The following MYO5B variants were observed in gnomAD, a reference collection of about 807,000 sequenced individuals.
The protein encoded by MYO5B is myosin VB, also known as unconventional myosin-Vb.
A neutral mutation model predicts 229.3 loss-of-function variants in MYO5B; 143 were observed. The observed-to-expected ratio is 0.62, with a 90% CI of 0.54 to 0.72. The LOEUF is 0.72. Among genes scored for constraint, MYO5B ranks in the 30% least tolerant of loss-of-function variants. The pLI is 0.00. For missense variants in MYO5B, 2,321 were observed against 2,331.0 expected (o/e 1.00, Z 0.09); for synonymous variants, 918 against 885.2 (o/e 1.04, Z -0.66).
chr18:49,869,409 C>T (rs1202398489), intron 27 of MYO5B, among the ~76,000 whole-genome samples: 1 of 152,178 alleles, frequency 6.6e-6, no homozygotes, highest in Non-Finnish European at 1.5e-5. Flanking sequence ...CCGGGACCAG[C>T]CTCTGTGACA....
At chr18:49,961,211 C>G (rs1017473733) in intron 12 of MYO5B, among the ~76,000 whole-genome samples, 2 of 152,202 alleles carry the variant, frequency 1.3e-5, no homozygotes, top group African/African-American at 4.8e-5. Flanking sequence ...AATTGTTTTA[C>G]CTTTACTGCT....
intron 16 of MYO5B, among the ~76,000 whole-genome samples, chr18:49,932,091 G>A (rs1305305546): frequency 2.0e-5 from 3 of 152,160 alleles, no homozygotes; most frequent in Non-Finnish European, 4.4e-5. Context: ...TTTCCTCATG[G>A]TACTAATAAA....
chr18:49,853,619 T>TCTGGGCCTGCAG lies in MYO5B; in HGVS notation c.4039_4050dup (p.Leu1347_Gln1350dup). On this transcript the variant is annotated inframe_insertion, in exon 31 of 40. Coordinates refer to ENST00000285039, the MANE Select transcript of MYO5B (RefSeq NM_001080467.3). ...TCCACCTCCTCCTCATGCTCCAGGCTCTGGGCCTGCAGCTGAGCCTCCAGC... is the reference window on the plus strand; with the variant it reads ...TCCACCTCCTCCTCATGCTCCAGGCTCTGGGCCTGCAGCTGGGCCTGCAGCTGAGCCTCCAGC... 1 of 1,613,726 alleles carries TCTGGGCCTGCAG rather than the reference T, an allele frequency of 6.2e-7. No individual in the cohort carries two copies. Among genetic ancestry groups the TCTGGGCCTGCAG allele is most frequent in the Non-Finnish European group, 8.5e-7 (1 of 1,179,998 alleles).
chr18:49,947,251 G>A lies in MYO5B; in HGVS notation c.1752+6009C>T, dbSNP rs555578645. 3.6e-3 allele frequency among the ~76,000 whole-genome samples: 549 copies of A among 151,888 alleles called. 3 individuals are homozygous for A. The highest frequency in any genetic ancestry group is 0.012 in the African/African-American group (509 of 41,426). On this transcript the variant is annotated intron_variant, in intron 14 of 39. Coordinates refer to ENST00000285039, the MANE Select transcript of MYO5B (RefSeq NM_001080467.3). ...CTCCCGAGTAGCTGGGACTACAGGC[G>A]CCCGCCACCACGCCTGGCTAATTTT... is the stretch of plus-strand genomic sequence containing the variant.
chr18:50,160,836 A>G (rs2032754382), intron 1 of MYO5B, among the ~76,000 whole-genome samples: 1 of 152,152 alleles, frequency 6.6e-6, no homozygotes, highest in African/African-American at 2.4e-5. Context: ...TTCCCTACAC[A>G]GTTCAGAACT....
intron 1 of MYO5B, among the ~76,000 whole-genome samples, chr18:50,188,432 T>C (rs1432392280): frequency 6.6e-6 from 1 of 152,194 alleles, no homozygotes; most frequent in Non-Finnish European, 1.5e-5. Flanking sequence ...TTAGTGTACT[T>C]TGTGTATTTA....
intron 1 of MYO5B, among the ~76,000 whole-genome samples, chr18:50,080,816 C>T (rs1004646548): frequency 2.0e-5 from 3 of 152,152 alleles, no homozygotes; most frequent in African/African-American, 4.8e-5. Flanking sequence ...CACAGGGGCA[C>T]GGCCCTTCCA....
chr18:49,968,913 C>T (rs918225159), intron 10 of MYO5B, among the ~76,000 whole-genome samples: 32 of 152,200 alleles, frequency 2.1e-4, no homozygotes, highest in African/African-American at 7.7e-4. Flanking sequence ...GGAACTTCAT[C>T]TGAGCCTTGG....
At chr18:49,954,024 ATGTGTGTGTGTGTGTGTGTGTGTGTG>A (rs766610907) in intron 13 of MYO5B, among the ~76,000 whole-genome samples, 4 of 51,056 alleles carry the variant, frequency 7.8e-5, no homozygotes, top group East Asian at 2.8e-4. Flanking sequence ...ATGTATTTAT[ATGTGTGTGTGTGTGTGTGTGTGTGTG>A]TGTGTGTGTG....
At chr18:50,168,954 A>G (rs1479817769) in intron 1 of MYO5B, among the ~76,000 whole-genome samples, 1 of 125,716 alleles carries the variant, frequency 8.0e-6, no homozygotes, top group East Asian at 2.3e-4. Flanking sequence ...TCGATCCTCC[A>G]AGCAACTATC....
chr18:50,021,001 C>T (rs1024800768), intron 4 of MYO5B, among the ~76,000 whole-genome samples: 1 of 152,130 alleles, frequency 6.6e-6, no homozygotes. Context: ...CAGCAGCTGC[C>T]CACATGGAGC....
Position 49,853,482 on chromosome 18 carries a change from C to A in MYO5B, c.4188G>T (p.Gln1396His). Residue 1396 changes from glutamine (Q) to histidine (H), a missense_variant, in exon 31 of 40, where the codon CAG (glutamine) becomes CAT (histidine). Gln to His is a conservative substitution (Grantham distance 24, BLOSUM62 0). Coordinates refer to ENST00000285039, the MANE Select transcript of MYO5B (RefSeq NM_001080467.3). ...SPEAQVEFGV[Q>H]QEISRLTNEN... ...CGTTGGTCAGCCGGGATATTTCCTGCTGAACGCCGAATTCCACCTGGGCCT... is the reference window on the plus strand; with the variant it reads ...CGTTGGTCAGCCGGGATATTTCCTGATGAACGCCGAATTCCACCTGGGCCT... 1.2e-6 allele frequency: 2 copies of A among 1,614,178 alleles called. No individual in the cohort carries two copies. Among genetic ancestry groups the A allele is most frequent in the South Asian group, 1.1e-5 (1 of 91,082 alleles).
chr18:50,105,148 A>T (rs932061382), intron 1 of MYO5B, among the ~76,000 whole-genome samples: 29 of 151,928 alleles, frequency 1.9e-4, no homozygotes, highest in Non-Finnish European at 4.0e-4. Context: ...AAGAAGAAAA[A>T]AGACCGGGAC....
At chr18:50,039,222 C>T (rs1386524698) in intron 3 of MYO5B, among the ~76,000 whole-genome samples, 3 of 152,100 alleles carry the variant, frequency 2.0e-5, no homozygotes, top group East Asian at 1.9e-4. Flanking sequence ...TCTCAAACAA[C>T]GGTTTATAGG....
chr18:50,114,095 G>A (rs187041709), intron 1 of MYO5B, among the ~76,000 whole-genome samples: 45 of 152,188 alleles, frequency 3.0e-4, no homozygotes, highest in Non-Finnish European at 6.2e-4. Context: ...TATTTCCTTT[G>A]GCTTAATGTC....
chr18:50,126,258 G>A (rs187334246), intron 1 of MYO5B, among the ~76,000 whole-genome samples: 12 of 152,266 alleles, frequency 7.9e-5, no homozygotes, highest in African/African-American at 2.2e-4. Flanking sequence ...CAGGGAAACA[G>A]GTCCTTTACT....
rs2033281668 is a variant in MYO5B at position 50,194,887 on chromosome 18, G to T, written c.-94C>A. The stretch of plus-strand genomic sequence containing the variant: ...CGCCTGGCGCCATGTTCCCGGGCTG[G>T]CCTGGAGTTTCTCGATCTTCTCGCT... On this transcript the variant is annotated 5_prime_UTR_variant, in exon 1 of 40. Coordinates refer to ENST00000285039, the MANE Select transcript of MYO5B (RefSeq NM_001080467.3). 8.2e-7 allele frequency: 1 copy of T among 1,226,734 alleles called. No homozygotes were observed. Among genetic ancestry groups the T allele is most frequent in the Non-Finnish European group, 1.0e-6 (1 of 985,094 alleles). 76.0% of individuals were successfully genotyped at this position (1,226,734 alleles called of 1,614,324 possible).
intron 18 of MYO5B, among the ~76,000 whole-genome samples, chr18:49,908,278 T>C (rs2024922157): frequency 6.6e-6 from 1 of 152,160 alleles, no homozygotes; most frequent in Non-Finnish European, 1.5e-5. Flanking sequence ...TCACCCTGTG[T>C]GTCTCCAGAA....
At chr18:50,190,556 T>C (rs2033212484) in intron 1 of MYO5B, among the ~76,000 whole-genome samples, 1 of 152,148 alleles carries the variant, frequency 6.6e-6, no homozygotes, top group African/African-American at 2.4e-5. Flanking sequence ...TTCTCAAAGG[T>C]GAGGTGTTGG....
Sources: gnomAD v4.1 joint callset for allele counts (sites outside exome capture counted in the v4.1 genomes callset) on GRCh38, gnomAD v4.1.1 for gene constraint, MANE v1.5 for transcripts, NCBI Gene and HGNC (gene_info 2026-07-23, HGNC 2026-07-21) for gene names.